The following KANSL1 variants were observed in gnomAD, a reference collection of about 807,000 sequenced individuals.
KANSL1 encodes MLL1/MLL complex subunit KANSL1.
A neutral mutation model predicts 103.6 loss-of-function variants in KANSL1; 22 were observed. That is an observed-to-expected ratio of 0.21 (90% confidence interval 0.15 to 0.30). The LOEUF (loss-of-function observed/expected upper bound fraction) is 0.30, where lower values mean the gene tolerates loss of function less well. Ranked by LOEUF, KANSL1 falls within the 10% of genes least tolerant of loss-of-function variation. The probability of loss-of-function intolerance (pLI) is 1.00; values close to 1 mark genes in which losing one functional copy is unlikely to be tolerated. For missense variants in KANSL1, 1,337 were observed against 1,399.8 expected, an observed-to-expected ratio of 0.96 and a Z score of 0.72; for synonymous variants, 600 against 527.6, an observed-to-expected ratio of 1.14 and a Z score of -1.88.
At chr17:46,100,444 C>CCCAA (rs1555763353) in intron 2 of KANSL1, among the ~76,000 whole-genome samples, 1 of 88,262 alleles carries the variant, frequency 1.1e-5, no homozygotes, top group African/African-American at 4.2e-5. Context: ...TCCCTCTCCC[C>CCCAA]AAAAAAAAAA....
At chr17:46,180,013 G>C (rs1191003731) in intron 1 of KANSL1, among the ~76,000 whole-genome samples, 1 of 151,674 alleles carries the variant, frequency 6.6e-6, no homozygotes, top group Middle Eastern at 3.2e-3. Flanking sequence ...GCAGTGAGCT[G>C]AGATCGGGCC....
chr17:46,189,622 C>A (rs1268762375), intron 1 of KANSL1, among the ~76,000 whole-genome samples: 1 of 152,158 alleles, frequency 6.6e-6, no homozygotes, highest in Admixed American at 6.5e-5. Flanking sequence ...GTGGTTCATG[C>A]CTGTAATTCC....
intron 2 of KANSL1, among the ~76,000 whole-genome samples, chr17:46,098,175 C>T (rs1286575356): frequency 6.7e-6 from 1 of 150,030 alleles, no homozygotes; most frequent in Non-Finnish European, 1.5e-5. Context: ...ATGCCCCCTA[C>T]CCACAAAGAG....
intron 2 of KANSL1, among the ~76,000 whole-genome samples, chr17:46,162,074 GATTT>G (rs1397088568): frequency 1.3e-5 from 2 of 152,166 alleles, no homozygotes; most frequent in Non-Finnish European, 2.9e-5. Flanking sequence ...AAACTGGTAA[GATTT>G]ATTCTTATGT....
rs1269343831 is a variant in KANSL1 at position 46,165,656 on chromosome 17, G to A, written c.1289+5199C>T. Among the ~76,000 whole-genome samples, 5 of 151,848 alleles carry A rather than the reference G, an allele frequency of 3.3e-5. 1 individual carries two copies. The highest frequency in any genetic ancestry group is 6.8e-3 in the Middle Eastern group (2 of 294). On this transcript the variant is annotated intron_variant, in intron 2 of 14. Transcript: ENST00000432791. Reference sequence around the variant, plus strand: ...CTCCCAAGTAGCTGGGATTAAAGGCGTGCACCACCACGCCTGGCTAATTTT... The same window carrying A: ...CTCCCAAGTAGCTGGGATTAAAGGCATGCACCACCACGCCTGGCTAATTTT...
At chr17:46,181,287 T>A (rs894674198) in intron 1 of KANSL1, among the ~76,000 whole-genome samples, 2 of 152,256 alleles carry the variant, frequency 1.3e-5, no homozygotes, top group Non-Finnish European at 2.9e-5. Flanking sequence ...GTCCTCTCTA[T>A]ACTTCTAACA....
At chr17:46,195,292 C>G (rs2047568803), upstream of KANSL1, among the ~76,000 whole-genome samples, 2 of 152,224 alleles carry the variant, frequency 1.3e-5, no homozygotes, top group Admixed American at 6.5e-5. Flanking sequence ...AATCTTACTG[C>G]TGCTCCAAAT....
chr17:46,175,085 T>G (rs1372312481), intron 1 of KANSL1, among the ~76,000 whole-genome samples: 1 of 152,248 alleles, frequency 6.6e-6, no homozygotes, highest in Admixed American at 6.5e-5. Context: ...ATCACTGGAC[T>G]AAGCACCCCC....
At chr17:46,186,847 C>T (rs896187538) in intron 1 of KANSL1, among the ~76,000 whole-genome samples, 3 of 152,162 alleles carry the variant, frequency 2.0e-5, no homozygotes, top group Admixed American at 1.3e-4. Context: ...CCTGCCTCAG[C>T]CTCTTGAGTA....
At chr17:46,175,656 AATT>A (rs1360787996) in intron 1 of KANSL1, among the ~76,000 whole-genome samples, 6 of 152,146 alleles carry the variant, frequency 3.9e-5, no homozygotes, top group African/African-American at 1.4e-4. Flanking sequence ...GGCCTCATAT[AATT>A]ATTAACACCA....
chr17:46,153,968 G>T (rs975877357), intron 2 of KANSL1, among the ~76,000 whole-genome samples: 2 of 152,218 alleles, frequency 1.3e-5, no homozygotes, highest in Admixed American at 6.5e-5. Flanking sequence ...ATGAGCTGCT[G>T]CTTCAGTGCC....
intron 2 of KANSL1, among the ~76,000 whole-genome samples, chr17:46,147,429 C>T (rs1032347160): frequency 6.6e-6 from 1 of 152,006 alleles, no homozygotes. Flanking sequence ...CAAAAATTAG[C>T]CAGATGTGGT....
chr17:46,192,085 G>A (rs2047360611), intron 1 of KANSL1, among the ~76,000 whole-genome samples: 1 of 152,242 alleles, frequency 6.6e-6, no homozygotes, highest in Non-Finnish European at 1.5e-5. Flanking sequence ...AAAGCAATCA[G>A]TAAGCAATAG....
At chr17:46,046,845 A>AAAG (rs1469722772) in intron 7 of KANSL1, among the ~76,000 whole-genome samples, 1 of 151,322 alleles carries the variant, frequency 6.6e-6, no homozygotes, top group Non-Finnish European at 1.5e-5. Flanking sequence ...AAAAGTAAAA[A>AAAG]AAAAAAAAAA....
chr17:46,220,773 G>A (rs750467284), intron 1 of KANSL1, among the ~76,000 whole-genome samples: 6 of 152,280 alleles, frequency 3.9e-5, no homozygotes, highest in East Asian at 1.9e-4. Flanking sequence ...TGCAAGCTCC[G>A]TCTCCCGGGC....
At chr17:46,175,041 TA>T (rs1368902502) in intron 1 of KANSL1, among the ~76,000 whole-genome samples, 7 of 152,140 alleles carry the variant, frequency 4.6e-5, no homozygotes, top group Non-Finnish European at 1.0e-4. Flanking sequence ...TTTTAAGAGT[TA>T]AAAAAGGGTC....
At chr17:46,189,802 G>A (rs1356670545) in intron 1 of KANSL1, among the ~76,000 whole-genome samples, 1 of 151,922 alleles carries the variant, frequency 6.6e-6, no homozygotes, top group Non-Finnish European at 1.5e-5. Context: ...TGCTACCCAG[G>A]CGGCTGAGGC....
chr17:46,224,243 A>G (rs1379584696), upstream of KANSL1, among the ~76,000 whole-genome samples: 2 of 152,372 alleles, frequency 1.3e-5, no homozygotes, highest in Non-Finnish European at 2.9e-5. Context: ...CCACATGAAA[A>G]GTAAAACCTA....
chr17:46,082,662 G>A (rs1414202732), intron 3 of KANSL1, 120 bp from the exon 4 acceptor site: 3 of 523,338 alleles, frequency 5.7e-6, no homozygotes, highest in African/African-American at 3.9e-5. Flanking sequence ...CTCACCCTAT[G>A]GTTCAGAAAC....
Sources: allele counts gnomAD v4.1 joint callset (sites outside exome capture counted in the v4.1 genomes callset), GRCh38; gene constraint gnomAD v4.1.1; transcripts MANE v1.5; gene names NCBI Gene and HGNC (gene_info 2026-07-23, HGNC 2026-07-21).